SPDL1: variants seen among roughly 807,000 people sequenced by gnomAD.
The protein encoded by SPDL1 is spindle apparatus coiled-coil protein 1.
In SPDL1, 85 loss-of-function variants were observed where a neutral mutation model predicts 79.5. That is an observed-to-expected ratio of 1.07 (90% confidence interval 0.90 to 1.28). The LOEUF (loss-of-function observed/expected upper bound fraction) is 1.28, where lower values mean the gene tolerates loss of function less well. SPDL1 is among the 50% of genes most tolerant of loss of function. The pLI is 0.00. For synonymous variants in SPDL1, 269 were observed against 240.3 expected (o/e 1.12, Z -1.10); for missense variants, 703 against 697.8 (o/e 1.01, Z -0.08).
In SPDL1 at chr5:169,599,005, C is replaced by T. The variant is rs370002471; in HGVS notation, c.1170C>T (p.Ser390=). The change falls in exon 10 of 12, where the codon TCC becomes TCT. Residue 390 remains serine (S), a synonymous_variant. Transcript: ENST00000265295. The part of the protein sequence containing the change: ...KEIESTKGEL[S]IQRMKALFES... ...TTGAAAGCACTAAAGGTGAATTGTC[C>T]ATACAGCGAATGAAAGCATTATTTG... The T allele has an allele frequency of 7.0e-6, 11 of 1,569,334 alleles. No individual in the cohort carries two copies. The highest frequency in any genetic ancestry group is 1.7e-4 in the Middle Eastern group (1 of 5,896).
Position 169,598,621 on chromosome 5 carries a change from T to G in SPDL1, c.1136+42T>G, listed in dbSNP as rs138552466. On this transcript the variant is annotated intron_variant, in intron 9 of 11. Transcript: ENST00000265295. Reference sequence around the variant, plus strand: ...GTGGATGGAAAGATGAACATGTCACTTGCTTACTATGGTAGTGTCAGTGAC... The same window carrying G: ...GTGGATGGAAAGATGAACATGTCACGTGCTTACTATGGTAGTGTCAGTGAC... 3.9e-5 allele frequency: 57 copies of G among 1,467,284 alleles called. No homozygotes were observed. In the East Asian group the frequency reaches 1.2e-3, roughly 32 times the overall value. 90.9% of individuals were successfully genotyped at this position (1,467,284 alleles called of 1,614,324 possible). A position where few individuals can be genotyped will look rare whatever the true frequency, so the allele number is the denominator to read the frequency against.
At chr5:169,586,448 T>G (rs893986032) in intron 1 of SPDL1, 1 of 152,256 alleles carries the variant, frequency 6.6e-6, no homozygotes, top group Non-Finnish European at 1.5e-5. Context: ...CCATTTCTCT[T>G]TAAATACTTT....
In SPDL1 at chr5:169,600,134, G is replaced by A. The variant is rs73799175; in HGVS notation, c.1324+975G>A. 8.4e-3 allele frequency among the ~76,000 whole-genome samples: 1,281 copies of A among 152,244 alleles called. 19 individuals are homozygous for A. Among genetic ancestry groups the A allele is most frequent in the African/African-American group, 0.029 (1,220 of 41,556 alleles). On this transcript the variant is annotated intron_variant, in intron 10 of 11. Coordinates refer to ENST00000265295, the MANE Select transcript of SPDL1 (RefSeq NM_017785.5). ...CCCCTTCCCTAAAAGAGTGTTACATGTTTTAGGTTAAGGATTCTCAACAAG... is the reference window on the plus strand; with the variant it reads ...CCCCTTCCCTAAAAGAGTGTTACATATTTTAGGTTAAGGATTCTCAACAAG...
Position 169,604,715 on chromosome 5 carries a change from T to C in SPDL1, c.*508T>C, listed in dbSNP as rs997468097. ...TAAAGAACCAATGTTCATCTTTGTATTTATATACATGATTTAAATTTTGTC... is the reference window on the plus strand; with the variant it reads ...TAAAGAACCAATGTTCATCTTTGTACTTATATACATGATTTAAATTTTGTC... On this transcript the variant is annotated 3_prime_UTR_variant, in exon 12 of 12. Transcript: ENST00000265295. 6.6e-6 allele frequency: 1 copy of C among 152,206 alleles called. No individual in the cohort carries two copies. The highest frequency in any genetic ancestry group is 1.5e-5 in the Non-Finnish European group (1 of 68,044). 9.4% of individuals were successfully genotyped at this position (152,206 alleles called of 1,614,324 possible). A position where few individuals can be genotyped will look rare whatever the true frequency, so the allele number is the denominator to read the frequency against.
intron 2 of SPDL1, among the ~76,000 whole-genome samples, chr5:169,590,219 A>G (rs1379720189): frequency 1.3e-5 from 2 of 152,234 alleles, no homozygotes; most frequent in African/African-American, 4.8e-5. Flanking sequence ...TGTAGCAGGT[A>G]AAAATAACTA....
intron 8 of SPDL1, 152 bp downstream of exon 8, chr5:169,596,853 C>T: frequency 1.7e-6 from 1 of 605,890 alleles, no homozygotes; most frequent in Middle Eastern, 4.5e-4. Context: ...ACTTAAACAT[C>T]CATTGGTGAT....
chr5:169,589,601 G>A (rs376917712), intron 2 of SPDL1, among the ~76,000 whole-genome samples: 1 of 151,254 alleles, frequency 6.6e-6, no homozygotes, highest in Admixed American at 6.6e-5. Flanking sequence ...CTGCTCTTGG[G>A]TTGAGTCCTC....
chr5:169,596,370 A>C (rs1732206763), intron 7 of SPDL1, among the ~76,000 whole-genome samples, 191 bp from the exon 8 acceptor site: 1 of 152,202 alleles, frequency 6.6e-6, no homozygotes, highest in South Asian at 2.1e-4. Context: ...GTTATCATTC[A>C]TAAGTAGTCA....
chr5:169,593,584 C>CT (rs749445176), intron 4 of SPDL1, 36 bp downstream of exon 4: 3,502 of 1,425,740 alleles, frequency 2.5e-3, no homozygotes, highest in South Asian at 4.7e-3. Flanking sequence ...AGGGTTTTCT[C>CT]TTTTTTTTTC....
intron 3 of SPDL1, 32 bp downstream of exon 3, chr5:169,591,256 A>G: frequency 1.3e-6 from 2 of 1,593,130 alleles, no homozygotes; most frequent in Non-Finnish European, 1.7e-6. Context: ...AGCACAAAAT[A>G]TTCCATATTT....
intron 1 of SPDL1, among the ~76,000 whole-genome samples, chr5:169,585,085 C>T (rs1350759337): frequency 1.3e-5 from 2 of 151,752 alleles, no homozygotes; most frequent in African/African-American, 4.8e-5. Flanking sequence ...AGTTTTTAAT[C>T]AACCACGGCT....
intron 1 of SPDL1, chr5:169,586,423 G>C (rs1754987806): frequency 1.3e-5 from 2 of 152,114 alleles, no homozygotes; most frequent in South Asian, 2.1e-4. Flanking sequence ...CTCATAACAG[G>C]GTTCAGTCGT....
Position 169,596,542 on chromosome 5 carries a change from G to A in SPDL1, c.892-19G>A, listed in dbSNP as rs1396257265. The A allele has an allele frequency of 6.3e-7, 1 of 1,596,570 alleles. No homozygotes were observed. The highest frequency in any genetic ancestry group is 1.4e-5 in the African/African-American group (1 of 73,958). On this transcript the variant is annotated intron_variant, in intron 7 of 11. Transcript: ENST00000265295. ...TCTCTCACTTAATTTTATTAGAGGG[G>A]GTAATTTTATTTTTCTAGTTACAAA...
intron 1 of SPDL1, among the ~76,000 whole-genome samples, chr5:169,587,977 G>T (rs2113322870): frequency 6.6e-6 from 1 of 152,204 alleles, no homozygotes; most frequent in East Asian, 1.9e-4. Context: ...CAGTTGCTGG[G>T]ATTACAAGCA....
At chr5:169,602,334 G>C (rs372384133) in intron 11 of SPDL1, among the ~76,000 whole-genome samples, 1 of 152,200 alleles carries the variant, frequency 6.6e-6, no homozygotes, top group Non-Finnish European at 1.5e-5. Flanking sequence ...CTGGATGTGC[G>C]CAGCAGGAGA....
chr5:169,585,125 C>A lies in SPDL1; in HGVS notation c.-24+1236C>A, dbSNP rs116538656. ...CTCTTTGTAGATTGATAGGTTAACTCTTTCTCATCCATTAGACCTCTGCTG... is the reference window on the plus strand; with the variant it reads ...CTCTTTGTAGATTGATAGGTTAACTATTTCTCATCCATTAGACCTCTGCTG... On this transcript the variant is annotated intron_variant, in intron 1 of 11. Transcript: ENST00000265295. Among the ~76,000 whole-genome samples the A allele has an allele frequency of 4.2e-3, 637 of 152,248 alleles. 1 individual carries two copies. Among genetic ancestry groups the A allele is most frequent in the Middle Eastern group, 0.014 (4 of 294 alleles).
chr5:169,604,242 C>A lies in SPDL1; in HGVS notation c.*35C>A. The A allele has an allele frequency of 6.7e-7, 1 of 1,502,454 alleles. No homozygotes were observed. Among genetic ancestry groups the A allele is most frequent in the Non-Finnish European group, 8.9e-7 (1 of 1,125,802 alleles). The allele number at this position is 1,502,454 out of a possible 1,614,324, so 93.1% of individuals were successfully genotyped here. On this transcript the variant is annotated 3_prime_UTR_variant, in exon 12 of 12. Transcript: ENST00000265295. ...TTTAATAAGAGTACGGTGCCACTTG[C>A]CTCAAAAGTTACTATGGTGCTTAAG...
chr5:169,591,065 A>G lies in SPDL1; in HGVS notation c.177A>G (p.Lys59=). Residue 59 remains lysine, a synonymous_variant, in exon 3 of 12, where the codon AAA becomes AAG. Coordinates refer to ENST00000265295, the MANE Select transcript of SPDL1 (RefSeq NM_017785.5). The part of the protein sequence containing the change: ...MTMTESYEQE[K]YTLQREVELK... The stretch of plus-strand genomic sequence containing the variant: ...GTTTTCAGAGTTATGAACAAGAAAA[A>G]TATACCCTTCAAAGAGAAGTTGAAC... 1.2e-6 allele frequency: 2 copies of G among 1,613,212 alleles called. No individual in the cohort carries two copies. Among genetic ancestry groups the G allele is most frequent in the East Asian group, 2.2e-5 (1 of 44,816 alleles).
intron 10 of SPDL1, among the ~76,000 whole-genome samples, chr5:169,599,606 C>A (rs1755778335): frequency 6.6e-6 from 1 of 152,140 alleles, no homozygotes; most frequent in African/African-American, 2.4e-5. Flanking sequence ...CCTTCCAGGA[C>A]TGGGAAAGCA....
Sources: allele counts gnomAD v4.1 joint callset (sites outside exome capture counted in the v4.1 genomes callset), GRCh38; gene constraint gnomAD v4.1.1; transcripts MANE v1.5; gene names NCBI Gene and HGNC (gene_info 2026-07-23, HGNC 2026-07-21).